ADGRB3: variants seen among roughly 807,000 people sequenced by gnomAD.
ADGRB3 encodes brain-specific angiogenesis inhibitor 3.
Under a neutral mutation model 193.4 loss-of-function variants are expected in ADGRB3, and 37 were observed. The ratio of observed to expected loss-of-function variants is 0.19; its 90% CI spans 0.15 to 0.25. The LOEUF (loss-of-function observed/expected upper bound fraction) is 0.25, where lower values mean the gene tolerates loss of function less well. ADGRB3 is among the 10% of genes least tolerant of loss of function. ADGRB3 has a pLI of 1.00. For synonymous variants in ADGRB3, 690 were observed against 644.2 expected, an observed-to-expected ratio of 1.07 and a Z score of -1.08; for missense variants, 1,637 against 1,852.9, an observed-to-expected ratio of 0.88 and a Z score of 2.14.
chr6:69,109,990 C>T (rs1183114933), intron 17 of ADGRB3, among the ~76,000 whole-genome samples: 4 of 148,002 alleles, frequency 2.7e-5, no homozygotes, highest in African/African-American at 1.0e-4. Context: ...CTCTATCACC[C>T]AGGCTAGAGT....
chr6:69,256,901 T>G (rs1582583593), intron 20 of ADGRB3, among the ~76,000 whole-genome samples: 1 of 152,146 alleles, frequency 6.6e-6, no homozygotes, highest in East Asian at 1.9e-4. Flanking sequence ...TTATTGAGAG[T>G]TTTTAGCATG....
chr6:68,827,185 C>T (rs1387628282), intron 3 of ADGRB3, among the ~76,000 whole-genome samples: 1 of 151,990 alleles, frequency 6.6e-6, no homozygotes, highest in Non-Finnish European at 1.5e-5. Flanking sequence ...TATTGAACAG[C>T]CCTTTAATTA....
At chr6:69,249,128 T>G (rs888931801) in intron 20 of ADGRB3, among the ~76,000 whole-genome samples, 3 of 152,026 alleles carry the variant, frequency 2.0e-5, no homozygotes, top group Non-Finnish European at 4.4e-5. Context: ...CAGGTGTGCA[T>G]CACCATGCCC....
Position 68,813,201 on chromosome 6 carries a change from C to A in ADGRB3, c.758-117358C>A, listed in dbSNP as rs1024311615. 2.6e-5 allele frequency among the ~76,000 whole-genome samples: 4 copies of A among 152,214 alleles called. No homozygotes were observed. In the East Asian group the frequency reaches 7.7e-4, roughly 29 times the overall value. ...TTTCCACTTTTGCCTCTTCCTCATT[C>A]TCTCTTGTGGCTGCCATGTAAGAAG... On this transcript the variant is annotated intron_variant, in intron 3 of 31. Transcript: ENST00000370598.
At chr6:69,370,853 A>T (rs2127339378) in intron 29 of ADGRB3, among the ~76,000 whole-genome samples, 1 of 152,264 alleles carries the variant, frequency 6.6e-6, no homozygotes, top group Non-Finnish European at 1.5e-5. Flanking sequence ...GGTATCCAAG[A>T]GCAGAATGGA....
At chr6:68,999,500 G>A (rs559002143) in intron 11 of ADGRB3, among the ~76,000 whole-genome samples, 1 of 152,142 alleles carries the variant, frequency 6.6e-6, no homozygotes, top group African/African-American at 2.4e-5. Flanking sequence ...TCCTGACCTC[G>A]TGATCTGCCC....
At chr6:69,087,542 A>G (rs1368306319) in intron 17 of ADGRB3, among the ~76,000 whole-genome samples, 1 of 152,174 alleles carries the variant, frequency 6.6e-6, no homozygotes, top group Non-Finnish European at 1.5e-5. Context: ...CATAGAAGGC[A>G]CTATCTATGA....
intron 3 of ADGRB3, among the ~76,000 whole-genome samples, chr6:68,849,196 T>A (rs1768348297): frequency 6.6e-6 from 1 of 152,012 alleles, no homozygotes; most frequent in African/African-American, 2.4e-5. Context: ...CCTTCAATAA[T>A]CATTCCCAGT....
intron 3 of ADGRB3, among the ~76,000 whole-genome samples, chr6:68,777,995 A>G (rs556534166): frequency 6.6e-6 from 1 of 152,224 alleles, no homozygotes; most frequent in East Asian, 1.9e-4. Context: ...TGTTGATGCC[A>G]ATGTAGCATT....
At chr6:68,786,449 A>G (rs1044472352) in intron 3 of ADGRB3, among the ~76,000 whole-genome samples, 1 of 152,190 alleles carries the variant, frequency 6.6e-6, no homozygotes, top group Non-Finnish European at 1.5e-5. Context: ...GGTTTGTCAA[A>G]GATCAGATAG....
At chr6:69,077,646 G>C (rs1043397679) in intron 17 of ADGRB3, among the ~76,000 whole-genome samples, 13 of 151,898 alleles carry the variant, frequency 8.6e-5, no homozygotes, top group Non-Finnish European at 1.6e-4. Context: ...GGTTTCTGAG[G>C]TTAGCATTCA....
At chr6:69,124,308 C>T (rs941032738) in intron 17 of ADGRB3, among the ~76,000 whole-genome samples, 3 of 152,098 alleles carry the variant, frequency 2.0e-5, no homozygotes, top group South Asian at 2.1e-4. Context: ...ATTGTTAACA[C>T]TTCTGTTACA....
chr6:69,217,625 G>A (rs564154422), intron 17 of ADGRB3, among the ~76,000 whole-genome samples: 1 of 152,312 alleles, frequency 6.6e-6, no homozygotes, highest in South Asian at 2.1e-4. Context: ...ATGGGCTGCA[G>A]CACATCTCAA....
chr6:68,964,387 C>T (rs1768318620), intron 8 of ADGRB3, among the ~76,000 whole-genome samples: 1 of 152,124 alleles, frequency 6.6e-6, no homozygotes, highest in South Asian at 2.1e-4. Context: ...ACTGACAAGG[C>T]AGGAGACTGT....
chr6:69,372,291 A>G, intron 29 of ADGRB3, 115 bp from the exon 30 acceptor site: 1 of 495,772 alleles, frequency 2.0e-6, no homozygotes, highest in South Asian at 3.2e-5. Flanking sequence ...TGAAGGAAAT[A>G]TGTATAAAAC....
intron 17 of ADGRB3, among the ~76,000 whole-genome samples, chr6:69,140,909 C>G (rs1441962937): frequency 1.3e-5 from 2 of 151,970 alleles, no homozygotes; most frequent in Non-Finnish European, 2.9e-5. Context: ...TAATAATAAC[C>G]TGCTTGATTC....
chr6:68,845,648 G>C (rs1007956829), intron 3 of ADGRB3, among the ~76,000 whole-genome samples: 18 of 152,108 alleles, frequency 1.2e-4, no homozygotes, highest in Non-Finnish European at 2.9e-5. Context: ...AGGTGTTTCT[G>C]CTTTTGCTTC....
intron 16 of ADGRB3, among the ~76,000 whole-genome samples, chr6:69,066,695 T>C (rs1443504083): frequency 1.3e-5 from 2 of 152,140 alleles, no homozygotes; most frequent in African/African-American, 4.8e-5. Flanking sequence ...TTAGGGTATA[T>C]GGTCTTTAGT....
chr6:68,700,787 C>G (rs1345844369), intron 3 of ADGRB3, among the ~76,000 whole-genome samples: 2 of 128,612 alleles, frequency 1.6e-5, no homozygotes, highest in Non-Finnish European at 3.1e-5. Flanking sequence ...CACTTGGACA[C>G]AAGAAGGGGA....
Sources: allele counts gnomAD v4.1 joint callset (sites outside exome capture counted in the v4.1 genomes callset), GRCh38; gene constraint gnomAD v4.1.1; transcripts MANE v1.5; gene names NCBI Gene and HGNC (gene_info 2026-07-23, HGNC 2026-07-21).